Variants in SVIP observed in about 807,000 individuals in gnomAD.
The protein encoded by SVIP is small VCP/p97-interacting protein.
SVIP carries 14 observed loss-of-function variants against 12.9 expected under a neutral mutation model. The ratio of observed to expected loss-of-function variants is 1.08; its 90% CI spans 0.72 to 1.70. The LOEUF is 1.70. Ranked by LOEUF, SVIP falls within the 40% of genes most tolerant of loss-of-function variation. SVIP has a pLI of 0.00. For missense variants in SVIP, 93 were observed against 90.8 expected, an observed-to-expected ratio of 1.02 and a Z score of -0.10; for synonymous variants, 35 against 33.3, an observed-to-expected ratio of 1.05 and a Z score of -0.17.
rs776275448 is a variant in SVIP at position 22,818,995 on chromosome 11, ATATTT to A, written c.*4119_*4123del. On this transcript the variant is annotated 3_prime_UTR_variant, in exon 4 of 4. Coordinates refer to ENST00000354193, the MANE Select transcript of SVIP (RefSeq NM_148893.3). Reference sequence around the variant, plus strand: ...ATGTCTACAGTTTTATTTTTCCTAAATATTTTATTTGTTGATATTGTAATTTAAAT... The same window carrying A: ...ATGTCTACAGTTTTATTTTTCCTAAATATTTGTTGATATTGTAATTTAAAT... 4.6e-5 allele frequency: 7 copies of A among 152,106 alleles called. No individual in the cohort carries two copies. Among genetic ancestry groups the A allele is most frequent in the African/African-American group, 1.2e-4 (5 of 41,434 alleles). 9.4% of individuals were successfully genotyped at this position (152,106 alleles called of 1,614,324 possible). A position where few individuals can be genotyped will look rare whatever the true frequency, so the allele number is the denominator to read the frequency against.
Position 22,827,320 on chromosome 11 carries a change from C to T in SVIP, c.106G>A (p.Ala36Thr), listed in dbSNP as rs781195608. Residue 36 changes from alanine to threonine, a missense_variant and splice_region_variant, in exon 3 of 4, where the codon GCT becomes ACT. By Grantham distance (58) the Ala-to-Thr change is moderately conservative. Transcript: ENST00000354193. ...AEAAERRQKE[A>T]ASRGILDVQS... ...ACATCTAAAATTCCCCGAGATGCAG[C>T]CTTGAAGAAATTTGATAAGAAAAAC... is the stretch of plus-strand genomic sequence containing the variant. The T allele has an allele frequency of 1.1e-5, 17 of 1,587,554 alleles. No homozygotes were observed. Among genetic ancestry groups the T allele is most frequent in the Admixed American group, 1.9e-5 (1 of 52,970 alleles).
At chr11:22,826,479 C>T (rs886120392) in intron 3 of SVIP, among the ~76,000 whole-genome samples, 1 of 152,070 alleles carries the variant, frequency 6.6e-6, no homozygotes, top group African/African-American at 2.4e-5. Flanking sequence ...CACAAATATA[C>T]TACTATTTAC....
rs1349803729 is a variant in SVIP at position 22,827,809 on chromosome 11, G to T, written c.105+15C>A. On this transcript the variant is annotated intron_variant, in intron 2 of 3. Transcript: ENST00000354193. ...TCAATTATCTAAGTAGGCAAAACTT[G>T]ATCTTTAATCTTACCTCTTTTTGTC... 1.9e-6 allele frequency: 3 copies of T among 1,569,164 alleles called. No individual in the cohort carries two copies. In the African/African-American group the frequency reaches 4.1e-5, roughly 21 times the overall value.
In SVIP at chr11:22,820,520, T is replaced by G. The variant is rs1340930258; in HGVS notation, c.*2599A>C. Reference sequence around the variant, plus strand: ...AATCCCAATGTGATTAAAATGTTCCTGAGGTTTCCCTAACCACCAACTCAG... The same window carrying G: ...AATCCCAATGTGATTAAAATGTTCCGGAGGTTTCCCTAACCACCAACTCAG... On this transcript the variant is annotated 3_prime_UTR_variant, in exon 4 of 4. Transcript: ENST00000354193. 3 of 152,218 alleles carry G rather than the reference T, an allele frequency of 2.0e-5. No homozygotes were observed. Among genetic ancestry groups the G allele is most frequent in the Non-Finnish European group, 4.4e-5 (3 of 68,022 alleles). 9.4% of individuals were successfully genotyped at this position (152,218 alleles called of 1,614,324 possible). A position where few individuals can be genotyped will look rare whatever the true frequency, so the allele number is the denominator to read the frequency against.
In SVIP at chr11:22,827,623, T is replaced by C. The variant is rs2302424; in HGVS notation, c.105+201A>G. 5.3e-3 allele frequency among the ~76,000 whole-genome samples: 803 copies of C among 152,168 alleles called. 12 individuals carry two copies. The highest frequency in any genetic ancestry group is 0.038 in the East Asian group (198 of 5,188). The stretch of plus-strand genomic sequence containing the variant: ...AGAGTATCTGAATTTAGAGAAGATA[T>C]GATAGTTTTCATATATTAATATAAA... On this transcript the variant is annotated intron_variant, in intron 2 of 3. Coordinates refer to ENST00000354193, the MANE Select transcript of SVIP (RefSeq NM_148893.3).
In SVIP at chr11:22,827,269, T is replaced by C. The variant is rs1857748149; in HGVS notation, c.157A>G (p.Lys53Glu). ...ATTTGTTTTTCTATTTTTTCCTTTTTCTTTCTCTTTTCTTGCACAGATTGA... is the reference window on the plus strand; with the variant it reads ...ATTTGTTTTTCTATTTTTTCCTTTTCCTTTCTCTTTTCTTGCACAGATTGA... ...DVQSVQEKRK[K>E]KEKIEKQIAT... The change falls in exon 3 of 4, where the codon AAA becomes GAA. Residue 53 changes from lysine (K) to glutamate (E), a missense_variant. By Grantham distance (56) the Lys-to-Glu change is moderately conservative. Coordinates refer to ENST00000354193, the MANE Select transcript of SVIP (RefSeq NM_148893.3). 1 of 1,611,118 alleles carries C rather than the reference T, an allele frequency of 6.2e-7. No individual in the cohort carries two copies. The highest frequency in any genetic ancestry group is 8.5e-7 in the Non-Finnish European group (1 of 1,179,004).
Position 22,827,884 on chromosome 11 carries a change from T to C in SVIP, c.55-10A>G, listed in dbSNP as rs1338551668. ...TTGCTCTTTTCTCTTCCTAAATAAA[T>C]GTGTAAAAATATGTATTAAAATAAC... On this transcript the variant is annotated splice_polypyrimidine_tract_variant and intron_variant, in intron 1 of 3. Transcript: ENST00000354193. 6.5e-7 allele frequency: 1 copy of C among 1,549,144 alleles called. No individual in the cohort carries two copies. The highest frequency in any genetic ancestry group is 2.3e-5 in the East Asian group (1 of 43,588).
intron 3 of SVIP, among the ~76,000 whole-genome samples, chr11:22,825,282 C>A (rs1009751103): frequency 6.6e-6 from 1 of 152,126 alleles, no homozygotes; most frequent in African/African-American, 2.4e-5. Flanking sequence ...TTAAGTACTT[C>A]TGCCTTGTAT....
chr11:22,824,499 T>C (rs1248181057), intron 3 of SVIP, among the ~76,000 whole-genome samples: 2 of 84,450 alleles, frequency 2.4e-5, no homozygotes, highest in African/African-American at 6.0e-5. Context: ...TATATATACG[T>C]ATATATATAC....
intron 3 of SVIP, among the ~76,000 whole-genome samples, chr11:22,824,445 C>CATATATAT (rs1353475307): frequency 2.8e-5 from 3 of 105,980 alleles, no homozygotes; most frequent in Non-Finnish European, 6.4e-5. Context: ...TACACACACA[C>CATATATAT]ATATATATAT....
Position 22,820,815 on chromosome 11 carries a change from G to C in SVIP, c.*2304C>G, listed in dbSNP as rs975282453. The C allele has an allele frequency of 6.6e-6, 1 of 152,122 alleles. No homozygotes were observed. Among genetic ancestry groups the C allele is most frequent in the South Asian group, 2.1e-4 (1 of 4,824 alleles). The allele number at this position is 152,122 out of a possible 1,614,324, so 9.4% of individuals were successfully genotyped here. On this transcript the variant is annotated 3_prime_UTR_variant, in exon 4 of 4. Coordinates refer to ENST00000354193, the MANE Select transcript of SVIP (RefSeq NM_148893.3). Reference sequence around the variant, plus strand: ...TGTTAGCAGCCGTTAAGTTTGATTAGTATTAAGCAGCAATGGTTTAAGCAA... The same window carrying C: ...TGTTAGCAGCCGTTAAGTTTGATTACTATTAAGCAGCAATGGTTTAAGCAA...
rs753268225 is a variant in SVIP at position 22,819,800 on chromosome 11, CA to C, written c.*3318del. On this transcript the variant is annotated 3_prime_UTR_variant, in exon 4 of 4. Transcript: ENST00000354193. The stretch of plus-strand genomic sequence containing the variant: ...AAAACAAAACAAAACCAAAAAAAGC[CA>C]ATGCAATTCAGGATATAATAACAAA... The C allele has an allele frequency of 4.6e-5, 7 of 152,494 alleles. No individual in the cohort carries two copies. The highest frequency in any genetic ancestry group is 8.8e-5 in the Non-Finnish European group (6 of 68,344). 9.4% of individuals were successfully genotyped at this position (152,494 alleles called of 1,614,324 possible).
At chr11:22,826,353 C>CGTGTGT in intron 3 of SVIP, among the ~76,000 whole-genome samples, 1 of 145,430 alleles carries the variant, frequency 6.9e-6, no homozygotes, top group Admixed American at 7.3e-5. Context: ...TATGTATGTG[C>CGTGTGT]ATGTGTGTGT....
At chr11:22,828,780 G>C (rs972689549) in intron 1 of SVIP, among the ~76,000 whole-genome samples, 1 of 152,104 alleles carries the variant, frequency 6.6e-6, no homozygotes, top group African/African-American at 2.4e-5. Flanking sequence ...AAATTTATAA[G>C]TACTAAATTT....
intron 1 of SVIP, among the ~76,000 whole-genome samples, chr11:22,828,550 G>C (rs1423683826): frequency 6.6e-6 from 1 of 152,102 alleles, no homozygotes; most frequent in Non-Finnish European, 1.5e-5. Context: ...TGGTATTGTG[G>C]GGAATATATT....
Position 22,829,755 on chromosome 11 carries a change from G to C in SVIP, c.-7C>G. ...AAGGAAAACACAGCCCCATAGGGAC[G>C]ACAGCTTGAGAACCCTGACCGGGTC... On this transcript the variant is annotated 5_prime_UTR_variant, in exon 1 of 4. Coordinates refer to ENST00000354193, the MANE Select transcript of SVIP (RefSeq NM_148893.3). 4.4e-6 allele frequency: 7 copies of C among 1,604,520 alleles called. No individual in the cohort carries two copies. The highest frequency in any genetic ancestry group is 6.0e-6 in the Non-Finnish European group (7 of 1,176,390).
chr11:22,819,136 T>C lies in SVIP; in HGVS notation c.*3983A>G, dbSNP rs1238989989. ...TAAAGTCATTTATTAGTTCCAGAAGTTTTTGTGGAACCTCTGAGAATTTTC... is the reference window on the plus strand; with the variant it reads ...TAAAGTCATTTATTAGTTCCAGAAGCTTTTGTGGAACCTCTGAGAATTTTC... On this transcript the variant is annotated 3_prime_UTR_variant, in exon 4 of 4. Coordinates refer to ENST00000354193, the MANE Select transcript of SVIP (RefSeq NM_148893.3). The C allele has an allele frequency of 6.6e-6, 1 of 152,186 alleles. No homozygotes were observed. The highest frequency in any genetic ancestry group is 1.9e-4 in the East Asian group (1 of 5,192). The allele number at this position is 152,186 out of a possible 1,614,324, so 9.4% of individuals were successfully genotyped here. A position where few individuals can be genotyped will look rare whatever the true frequency, so the allele number is the denominator to read the frequency against.
chr11:22,829,782 G>T lies in SVIP; in HGVS notation c.-34C>A. 1 of 1,581,846 alleles carries T rather than the reference G, an allele frequency of 6.3e-7. No homozygotes were observed. The highest frequency in any genetic ancestry group is 8.6e-7 in the Non-Finnish European group (1 of 1,164,792). On this transcript the variant is annotated 5_prime_UTR_variant, in exon 1 of 4. Coordinates refer to ENST00000354193, the MANE Select transcript of SVIP (RefSeq NM_148893.3). ...CAGCTTGAGAACCCTGACCGGGTCC[G>T]GCCCAGGCCAGGCGGCGCTAACTGC...
Position 22,819,952 on chromosome 11 carries a change from A to T in SVIP, c.*3167T>A, listed in dbSNP as rs759825093. On this transcript the variant is annotated 3_prime_UTR_variant, in exon 4 of 4. Transcript: ENST00000354193. ...AGGGAGACTAGAACAATAAAAAGCC[A>T]TATCAAATGGGAAACTTAGTGTTTT... The T allele has an allele frequency of 6.6e-6, 1 of 152,232 alleles. No individual in the cohort carries two copies. The highest frequency in any genetic ancestry group is 6.5e-5 in the Admixed American group (1 of 15,282). The allele number at this position is 152,232 out of a possible 1,614,324, so 9.4% of individuals were successfully genotyped here.
Sources: allele counts gnomAD v4.1 joint callset (sites outside exome capture counted in the v4.1 genomes callset), GRCh38; gene constraint gnomAD v4.1.1; transcripts MANE v1.5; gene names NCBI Gene and HGNC (gene_info 2026-07-23, HGNC 2026-07-21).